The following KIAA1217 variants were observed in gnomAD, a reference collection of about 807,000 sequenced individuals.
KIAA1217 encodes KIAA1217.
KIAA1217 carries 88 observed loss-of-function variants against 163.9 expected under a neutral mutation model. That is an observed-to-expected ratio of 0.54 (90% CI 0.45 to 0.64). KIAA1217 has a LOEUF of 0.64. Among genes scored for constraint, KIAA1217 ranks in the 30% least tolerant of loss-of-function variants. The pLI is 0.00. For synonymous variants in KIAA1217, 903 were observed against 923.1 expected, an observed-to-expected ratio of 0.98 and a Z score of 0.39; for missense variants, 2,372 against 2,475.0, an observed-to-expected ratio of 0.96 and a Z score of 0.88.
intron 2 of KIAA1217, among the ~76,000 whole-genome samples, chr10:24,074,670 C>T: frequency 6.7e-6 from 1 of 148,384 alleles, no homozygotes; most frequent in Non-Finnish European, 1.5e-5. Context: ...AATTCTTCTT[C>T]TTCTTCTTCT....
intron 3 of KIAA1217, among the ~76,000 whole-genome samples, chr10:24,411,945 G>A (rs1170422941): frequency 2.0e-5 from 3 of 151,952 alleles, no homozygotes; most frequent in Non-Finnish European, 4.4e-5. Flanking sequence ...TACCACCGAG[G>A]TCACAGAGGT....
intron 2 of KIAA1217, among the ~76,000 whole-genome samples, chr10:24,267,551 G>T (rs1296946743): frequency 6.6e-6 from 1 of 152,136 alleles, no homozygotes; most frequent in African/African-American, 2.4e-5. Context: ...GGCCTCAAAT[G>T]ATCTTCCTTT....
At chr10:23,881,739 G>C (rs1564503177) in intron 1 of KIAA1217, among the ~76,000 whole-genome samples, 1 of 151,920 alleles carries the variant, frequency 6.6e-6, no homozygotes, top group South Asian at 2.1e-4. Flanking sequence ...AGGGCAGCTT[G>C]GATATGTTGC....
chr10:23,816,213 T>A (rs1286468861), intron 1 of KIAA1217, among the ~76,000 whole-genome samples: 1 of 152,160 alleles, frequency 6.6e-6, no homozygotes, highest in Non-Finnish European at 1.5e-5. Flanking sequence ...GGTTACAATT[T>A]TTTCTTTTTT....
intron 2 of KIAA1217, among the ~76,000 whole-genome samples, chr10:24,117,037 T>C (rs1342547328): frequency 1.3e-5 from 2 of 150,666 alleles, no homozygotes; most frequent in African/African-American, 4.9e-5. Context: ...CAAATAGTGT[T>C]TTTTTTTTGG....
intron 2 of KIAA1217, among the ~76,000 whole-genome samples, chr10:24,029,878 T>A (rs1244987564): frequency 6.6e-6 from 1 of 152,158 alleles, no homozygotes; most frequent in Non-Finnish European, 1.5e-5. Flanking sequence ...AATGTGGCTG[T>A]GTGACAATGC....
Position 23,829,002 on chromosome 10 carries a change from C to G in KIAA1217, c.-321+133768C>G, listed in dbSNP as rs189761714. 4.0e-3 allele frequency among the ~76,000 whole-genome samples: 614 copies of G among 152,308 alleles called. 4 individuals are homozygous for G. The highest frequency in any genetic ancestry group is 0.014 in the African/African-American group (568 of 41,576). On this transcript the variant is annotated intron_variant, in intron 1 of 18. Transcript: ENST00000376462. The stretch of plus-strand genomic sequence containing the variant: ...TAAACAGGAAAAAAGATATTACCCT[C>G]TTACTTCTGTCCTATGACATACATT...
chr10:23,806,444 T>G (rs1310327485), intron 1 of KIAA1217, among the ~76,000 whole-genome samples: 1 of 152,232 alleles, frequency 6.6e-6, no homozygotes, highest in Non-Finnish European at 1.5e-5. Context: ...TTTCATTTCT[T>G]CAGATTGTGC....
intron 2 of KIAA1217, among the ~76,000 whole-genome samples, chr10:24,274,085 G>C (rs1394391415): frequency 1.3e-5 from 2 of 152,188 alleles, no homozygotes; most frequent in Non-Finnish European, 2.9e-5. Context: ...CATATTACCA[G>C]AGTAATGACT....
chr10:24,219,375 G>C (rs2069271828), intron 1 of KIAA1217, among the ~76,000 whole-genome samples: 1 of 152,308 alleles, frequency 6.6e-6, no homozygotes, highest in South Asian at 2.1e-4. Flanking sequence ...GCCTCCCAAA[G>C]TGCTGGGGTT....
chr10:23,954,518 G>A (rs1318562999), intron 1 of KIAA1217, among the ~76,000 whole-genome samples: 2 of 151,776 alleles, frequency 1.3e-5, no homozygotes, highest in African/African-American at 4.8e-5. Context: ...TGAGCCATGA[G>A]CATGCCACTG....
intron 2 of KIAA1217, among the ~76,000 whole-genome samples, chr10:24,225,305 G>A (rs764089285): frequency 5.3e-4 from 81 of 151,990 alleles, no homozygotes; most frequent in Non-Finnish European, 4.7e-4. Context: ...AAAATTATTT[G>A]TAGGGACAGG....
intron 1 of KIAA1217, among the ~76,000 whole-genome samples, chr10:23,920,162 G>C (rs994457873): frequency 6.6e-6 from 1 of 152,002 alleles, no homozygotes; most frequent in Non-Finnish European, 1.5e-5. Context: ...TTTTTTGTTT[G>C]TTTGTTTGTT....
Position 24,433,093 on chromosome 10 carries a change from T to C in KIAA1217, c.652T>C (p.Phe218Leu), listed in dbSNP as rs1196146542. Residue 218 changes from phenylalanine to leucine, a missense_variant, in exon 4 of 21, where the codon TTT (phenylalanine) becomes CTT (leucine). Coordinates refer to ENST00000376454, the MANE Select transcript of KIAA1217 (RefSeq NM_019590.5). ...AATCCGTGCTCTCTTCGTAAGTGCC[T>C]TTCCACAGCAGCTCACCATGAAAAT... ...DTIRALFVSA[F>L]PQQLTMKMLE... 1 of 1,614,156 alleles carries C rather than the reference T, an allele frequency of 6.2e-7. No individual in the cohort carries two copies. The highest frequency in any genetic ancestry group is 2.2e-5 in the East Asian group (1 of 44,872).
intron 1 of KIAA1217, among the ~76,000 whole-genome samples, chr10:23,805,404 C>T (rs1037824156): frequency 3.9e-5 from 6 of 152,240 alleles, no homozygotes; most frequent in Non-Finnish European, 1.5e-5. Context: ...AGGCCATTAT[C>T]CTTAGCAAAC....
intron 2 of KIAA1217, among the ~76,000 whole-genome samples, chr10:24,143,888 C>A (rs1013821819): frequency 6.6e-6 from 1 of 151,848 alleles, no homozygotes; most frequent in Non-Finnish European, 1.5e-5. Flanking sequence ...AGGCATCTGA[C>A]CTAGAGATCC....
intron 3 of KIAA1217, among the ~76,000 whole-genome samples, chr10:24,416,514 G>C (rs2058264108): frequency 6.6e-6 from 1 of 152,170 alleles, no homozygotes; most frequent in Non-Finnish European, 1.5e-5. Context: ...GAATCCAGAG[G>C]CTTGTATATG....
chr10:24,428,855 A>G (rs1459860744), intron 3 of KIAA1217, among the ~76,000 whole-genome samples: 1 of 145,476 alleles, frequency 6.9e-6, no homozygotes, highest in Non-Finnish European at 1.5e-5. Flanking sequence ...CCATCTCTTT[A>G]AAGATAAAAA....
chr10:24,404,015 G>A (rs964178334), intron 3 of KIAA1217, among the ~76,000 whole-genome samples: 5 of 151,990 alleles, frequency 3.3e-5, no homozygotes, highest in Admixed American at 6.5e-5. Context: ...GGAGTACAGC[G>A]GCGTAATCAC....
Sources: gnomAD v4.1 joint callset for allele counts (sites outside exome capture counted in the v4.1 genomes callset) on GRCh38, gnomAD v4.1.1 for gene constraint, MANE v1.5 for transcripts, NCBI Gene and HGNC (gene_info 2026-07-23, HGNC 2026-07-21) for gene names.